Variants in PAPPA2 observed in about 807,000 individuals in gnomAD.
PAPPA2 encodes the protein pappalysin-2.
PAPPA2 carries 86 observed loss-of-function variants against 176.4 expected under a neutral mutation model. That is an observed-to-expected ratio of 0.49 (90% CI 0.41 to 0.58). PAPPA2 has a LOEUF of 0.58. Among genes scored for constraint, PAPPA2 ranks in the 20% least tolerant of loss-of-function variants. The pLI, the probability that PAPPA2 is intolerant of heterozygous loss-of-function variation, is 0.00. For missense variants in PAPPA2, 2,073 were observed against 2,256.9 expected, an observed-to-expected ratio of 0.92 and a Z score of 1.65; for synonymous variants, 809 against 852.2, an observed-to-expected ratio of 0.95 and a Z score of 0.88.
chr1:176,690,065 A>G lies in PAPPA2; in HGVS notation c.2138-72A>G, dbSNP rs984350802. ...TGAAATGGAATATTTGATGTTTATC[A>G]GAAAACATAATTAAGGATTGGAGAG... On this transcript the variant is annotated intron_variant, in intron 4 of 22. Coordinates refer to ENST00000367662, the MANE Select transcript of PAPPA2 (RefSeq NM_020318.3). 2.1e-5 allele frequency: 28 copies of G among 1,331,670 alleles called. No homozygotes were observed. In the African/African-American group the frequency reaches 3.7e-4, roughly 17 times the overall value. 82.5% of individuals were successfully genotyped at this position (1,331,670 alleles called of 1,614,324 possible). A position where few individuals can be genotyped will look rare whatever the true frequency, so the allele number is the denominator to read the frequency against.
chr1:176,700,347 G>A (rs1660596756), intron 8 of PAPPA2, among the ~76,000 whole-genome samples: 1 of 152,192 alleles, frequency 6.6e-6, no homozygotes, highest in African/African-American at 2.4e-5. Flanking sequence ...GCAGAACTAG[G>A]GCAAAACAAA....
At chr1:176,549,952 T>C (rs1650848304) in intron 1 of PAPPA2, among the ~76,000 whole-genome samples, 1 of 152,240 alleles carries the variant, frequency 6.6e-6, no homozygotes, top group African/African-American at 2.4e-5. Context: ...ACAACCAAGA[T>C]AGAGAATAGC....
At chr1:176,633,571 T>C (rs1656479046) in intron 3 of PAPPA2, among the ~76,000 whole-genome samples, 1 of 152,168 alleles carries the variant, frequency 6.6e-6, no homozygotes, top group African/African-American at 2.4e-5. Context: ...GAAAATACCA[T>C]TACCCAGATT....
Position 176,825,336 on chromosome 1 carries a change from G to A in PAPPA2, c.5203-14837G>A, listed in dbSNP as rs138091001. On this transcript the variant is annotated intron_variant, in intron 21 of 22. Transcript: ENST00000367662. ...GGTAATTTTAGGGGTGTTATGCATGGTCTCATTTATCCCCCGAGTAGTTGT... is the reference window on the plus strand; with the variant it reads ...GGTAATTTTAGGGGTGTTATGCATGATCTCATTTATCCCCCGAGTAGTTGT... Among the ~76,000 whole-genome samples, 952 of 152,296 alleles carry A rather than the reference G, an allele frequency of 6.3e-3. 13 individuals carry two copies. Among genetic ancestry groups the A allele is most frequent in the African/African-American group, 0.021 (884 of 41,560 alleles).
At chr1:176,667,506 G>A (rs1022812669) in intron 3 of PAPPA2, among the ~76,000 whole-genome samples, 2 of 152,152 alleles carry the variant, frequency 1.3e-5, no homozygotes, top group Non-Finnish European at 2.9e-5. Context: ...AGGTTGCACC[G>A]AACAACCTGG....
At chr1:176,482,250 T>A (rs2102481109) in intron 1 of PAPPA2, among the ~76,000 whole-genome samples, 1 of 152,364 alleles carries the variant, frequency 6.6e-6, no homozygotes, top group Middle Eastern at 3.4e-3. Context: ...CTAAGCCGAA[T>A]AATGGCAGTC....
chr1:176,512,517 G>A (rs1490407424), intron 1 of PAPPA2, among the ~76,000 whole-genome samples: 1 of 152,148 alleles, frequency 6.6e-6, no homozygotes, highest in Non-Finnish European at 1.5e-5. Context: ...GCATACTGTA[G>A]CATTTCATTT....
intron 3 of PAPPA2, among the ~76,000 whole-genome samples, chr1:176,596,240 C>G (rs1653975231): frequency 6.6e-6 from 1 of 152,144 alleles, no homozygotes; most frequent in Non-Finnish European, 1.5e-5. Flanking sequence ...ATTTTTTCCT[C>G]CACTGCACTC....
At chr1:176,721,859 G>A (rs1259486274) in intron 12 of PAPPA2, among the ~76,000 whole-genome samples, 1 of 150,484 alleles carries the variant, frequency 6.6e-6, no homozygotes, top group Non-Finnish European at 1.5e-5. Context: ...TTTTTTCTTG[G>A]TTGCCAAATA....
Position 176,528,658 on chromosome 1 carries a change from C to A in PAPPA2, c.-916-26749C>A, listed in dbSNP as rs79322841. 1.2e-3 allele frequency among the ~76,000 whole-genome samples: 177 copies of A among 152,332 alleles called. 2 individuals are homozygous for A. In the East Asian group the frequency reaches 0.03, roughly 26 times the overall value. ...TCATCTGATTGATTTGATTTACATA[C>A]GGCACCAATTTCCCTTCCCTCCAGT... On this transcript the variant is annotated intron_variant, in intron 1 of 22. Coordinates refer to ENST00000367662, the MANE Select transcript of PAPPA2 (RefSeq NM_020318.3).
chr1:176,726,835 A>C (rs1342182240), intron 12 of PAPPA2, among the ~76,000 whole-genome samples: 1 of 152,210 alleles, frequency 6.6e-6, no homozygotes. Flanking sequence ...TGTGAGCGAG[A>C]ATGGAAAGAA....
intron 2 of PAPPA2, among the ~76,000 whole-genome samples, chr1:176,586,301 G>A (rs1573082168): frequency 6.6e-6 from 1 of 151,988 alleles, no homozygotes; most frequent in African/African-American, 2.4e-5. Context: ...AGCAAATCCA[G>A]GTAGGATTAT....
At chr1:176,699,626 C>T (rs1413527300) in intron 8 of PAPPA2, 37 bp downstream of exon 8, 3 of 1,547,942 alleles carry the variant, frequency 1.9e-6, no homozygotes, top group East Asian at 4.5e-5. Flanking sequence ...CTTCCTGAGG[C>T]TCTGGGGGTG....
At chr1:176,803,190 C>T (rs565450788) in intron 21 of PAPPA2, among the ~76,000 whole-genome samples, 14 of 152,280 alleles carry the variant, frequency 9.2e-5, no homozygotes, top group Non-Finnish European at 1.6e-4. Context: ...CCTGGGTCAG[C>T]TGAGTAGTGT....
chr1:176,733,045 G>T (rs1288281469), intron 12 of PAPPA2, among the ~76,000 whole-genome samples: 1 of 152,142 alleles, frequency 6.6e-6, no homozygotes, highest in Non-Finnish European at 1.5e-5. Flanking sequence ...TAGGTTGTGG[G>T]CTCCTTATGA....
intron 2 of PAPPA2, among the ~76,000 whole-genome samples, chr1:176,566,278 G>A (rs1389470112): frequency 2.6e-5 from 4 of 152,114 alleles, no homozygotes; most frequent in African/African-American, 9.7e-5. Flanking sequence ...TGCAGGTGGG[G>A]GAAGGAGAAT....
intron 1 of PAPPA2, among the ~76,000 whole-genome samples, chr1:176,516,160 T>G (rs1420585479): frequency 2.0e-5 from 3 of 152,118 alleles, no homozygotes; most frequent in Non-Finnish European, 4.4e-5. Flanking sequence ...CATTTCCTCC[T>G]TCTTTTAATT....
intron 1 of PAPPA2, among the ~76,000 whole-genome samples, chr1:176,463,886 G>A (rs1167050277): frequency 6.6e-6 from 1 of 152,144 alleles, no homozygotes; most frequent in African/African-American, 2.4e-5. Flanking sequence ...GGAGTGCTGA[G>A]GATGAGTGTG....
intron 12 of PAPPA2, among the ~76,000 whole-genome samples, chr1:176,725,849 C>T (rs1009846336): frequency 6.6e-6 from 1 of 152,170 alleles, no homozygotes; most frequent in Non-Finnish European, 1.5e-5. Flanking sequence ...GGCACAATCT[C>T]GGCTCACTGC....
Sources: allele counts gnomAD v4.1 joint callset (sites outside exome capture counted in the v4.1 genomes callset), GRCh38; gene constraint gnomAD v4.1.1; transcripts MANE v1.5; gene names NCBI Gene and HGNC (gene_info 2026-07-23, HGNC 2026-07-21).